Variants in ROR2 observed in about 807,000 individuals in gnomAD.
ROR2 encodes tyrosine-protein kinase transmembrane receptor ROR2.
Under a neutral mutation model 74.9 loss-of-function variants are expected in ROR2, and 33 were observed. The observed-to-expected ratio is 0.44, with a 90% CI of 0.33 to 0.59. ROR2 has a LOEUF of 0.59. ROR2 is among the 20% of genes least tolerant of loss of function. The probability of loss-of-function intolerance (pLI) is 0.02; values close to 1 mark genes in which losing one functional copy is unlikely to be tolerated. For synonymous variants in ROR2, 586 were observed against 558.7 expected (o/e 1.05, Z -0.69); for missense variants, 1,216 against 1,313.8 (o/e 0.93, Z 1.15).
intron 1 of ROR2, among the ~76,000 whole-genome samples, chr9:91,789,823 A>G (rs955770848): frequency 2.0e-5 from 3 of 152,222 alleles, no homozygotes; most frequent in African/African-American, 7.2e-5. Flanking sequence ...AGTAAAGCGT[A>G]CCATATTGGT....
intron 1 of ROR2, among the ~76,000 whole-genome samples, chr9:91,835,509 G>A (rs1828586271): frequency 6.6e-6 from 1 of 151,928 alleles, no homozygotes; most frequent in African/African-American, 2.4e-5. Flanking sequence ...AGAGTTAAAT[G>A]TAGATTGGAA....
At chr9:91,913,759 AC>A (rs1403613685) in intron 1 of ROR2, among the ~76,000 whole-genome samples, 1 of 152,206 alleles carries the variant, frequency 6.6e-6, no homozygotes, top group Non-Finnish European at 1.5e-5. Context: ...CGAGGTATCT[AC>A]AGCAATCAAA....
intron 1 of ROR2, among the ~76,000 whole-genome samples, chr9:91,936,892 T>C (rs917810712): frequency 6.7e-6 from 1 of 149,254 alleles, no homozygotes; most frequent in Non-Finnish European, 1.5e-5. Flanking sequence ...TAGCCGGGCG[T>C]AGTGGCGGGC....
intron 2 of ROR2, among the ~76,000 whole-genome samples, chr9:91,772,626 T>C (rs1826269863): frequency 6.6e-6 from 1 of 152,244 alleles, no homozygotes. Flanking sequence ...TATGTACAGA[T>C]GTGCCCACTT....
intron 1 of ROR2, among the ~76,000 whole-genome samples, chr9:91,884,821 T>A (rs913888823): frequency 6.6e-5 from 10 of 152,136 alleles, no homozygotes; most frequent in African/African-American, 2.4e-4. Flanking sequence ...TGGATACATA[T>A]TAACATGCAC....
At chr9:91,781,397 C>T (rs1290566040) in intron 1 of ROR2, among the ~76,000 whole-genome samples, 2 of 152,182 alleles carry the variant, frequency 1.3e-5, no homozygotes, top group South Asian at 2.1e-4. Context: ...AGCTCGGCAA[C>T]ACGTCAGATC....
chr9:91,766,607 T>C (rs1826066621), intron 2 of ROR2, among the ~76,000 whole-genome samples: 1 of 152,190 alleles, frequency 6.6e-6, no homozygotes, highest in Non-Finnish European at 1.5e-5. Flanking sequence ...TCCATTGGTG[T>C]TTAATTTATA....
At chr9:91,811,861 C>T (rs1290547977) in intron 1 of ROR2, among the ~76,000 whole-genome samples, 3 of 152,086 alleles carry the variant, frequency 2.0e-5, no homozygotes, top group East Asian at 3.9e-4. Context: ...AAACAGATCC[C>T]GGCACACTTT....
intron 1 of ROR2, among the ~76,000 whole-genome samples, chr9:91,801,715 T>C (rs2119058209): frequency 6.6e-6 from 1 of 152,286 alleles, no homozygotes; most frequent in African/African-American, 2.4e-5. Flanking sequence ...CACTAGAAAC[T>C]GCTATATTCC....
intron 2 of ROR2, among the ~76,000 whole-genome samples, chr9:91,761,807 A>T (rs1564258481): frequency 6.6e-6 from 1 of 152,144 alleles, no homozygotes; most frequent in South Asian, 2.1e-4. Context: ...AACTCACCAG[A>T]TCATCACATC....
chr9:91,879,590 C>T (rs1830049422), intron 1 of ROR2, among the ~76,000 whole-genome samples: 1 of 152,148 alleles, frequency 6.6e-6, no homozygotes, highest in Non-Finnish European at 1.5e-5. Context: ...CCCTTCAACA[C>T]TTTTGATATA....
At position 91,858,700 on chromosome 9, in the gene ROR2, A is replaced by C. The variant is rs565247967; in HGVS notation, c.98-82882T>G. On this transcript the variant is annotated intron_variant, in intron 1 of 8. Transcript: ENST00000375708. ...ACATTTTGTGTGTGCACTACAGCTC[A>C]CAGGCAGTAATAATAACAATAGCAC... Among the ~76,000 whole-genome samples, 72 of 152,302 alleles carry C rather than the reference A, an allele frequency of 4.7e-4. 2 individuals carry two copies. The highest frequency in any genetic ancestry group is 4.2e-3 in the South Asian group (20 of 4,818).
chr9:91,752,416 AC>A (rs1342719418), intron 4 of ROR2, among the ~76,000 whole-genome samples: 1 of 152,220 alleles, frequency 6.6e-6, no homozygotes, highest in Non-Finnish European at 1.5e-5. Context: ...GCTGTAACCT[AC>A]TGATACATGT....
At chr9:91,884,874 A>G (rs979473167) in intron 1 of ROR2, among the ~76,000 whole-genome samples, 22 of 152,298 alleles carry the variant, frequency 1.4e-4, no homozygotes, top group Admixed American at 1.2e-3. Context: ...TTTTAAAATC[A>G]TATTTTCTAA....
At chr9:91,868,810 GA>G (rs1829712954) in intron 1 of ROR2, among the ~76,000 whole-genome samples, 1 of 152,196 alleles carries the variant, frequency 6.6e-6, no homozygotes, top group Non-Finnish European at 1.5e-5. Context: ...AATAAGCGCT[GA>G]AGGAAGTGCT....
intron 1 of ROR2, among the ~76,000 whole-genome samples, chr9:91,889,931 G>A (rs952034733): frequency 6.6e-6 from 1 of 152,134 alleles, no homozygotes. Context: ...TATAATATTA[G>A]CGGGGAGGGG....
chr9:91,725,083 A>G lies in ROR2; in HGVS notation c.1411T>C (p.Ser471Pro). ...AGCTCCTCCATGAACCTCACCGCAG[A>G]CAGGCTGATCTCTTTGAGTTTGGCC... is the stretch of plus-strand genomic sequence containing the variant. ...KQAKLKEISLSAVRFMEELGE... is the reference protein window; with the variant it reads ...KQAKLKEISLPAVRFMEELGE... The change falls in exon 9 of 9, where the codon TCT becomes CCT. Residue 471 changes from serine to proline, a missense_variant. Ser to Pro is a moderately conservative substitution (Grantham distance 74). Coordinates refer to ENST00000375708, the MANE Select transcript of ROR2 (RefSeq NM_004560.4). 6.2e-7 allele frequency: 1 copy of G among 1,614,050 alleles called. No homozygotes were observed. The highest frequency in any genetic ancestry group is 8.5e-7 in the Non-Finnish European group (1 of 1,180,042).
intron 4 of ROR2, among the ~76,000 whole-genome samples, chr9:91,740,742 C>A (rs1345230434): frequency 6.6e-6 from 1 of 151,960 alleles, no homozygotes. Context: ...GGAAGAGGAA[C>A]AGAGCTGGAG....
At chr9:91,902,091 G>A (rs564860985) in intron 1 of ROR2, among the ~76,000 whole-genome samples, 1 of 152,176 alleles carries the variant, frequency 6.6e-6, no homozygotes, top group Non-Finnish European at 1.5e-5. Context: ...GGCTCATGGA[G>A]ATGAAATATT....
Sources: gnomAD v4.1 joint callset for allele counts (sites outside exome capture counted in the v4.1 genomes callset) on GRCh38, gnomAD v4.1.1 for gene constraint, MANE v1.5 for transcripts, NCBI Gene and HGNC (gene_info 2026-07-23, HGNC 2026-07-21) for gene names.